Variants in ANO2 observed in about 807,000 individuals in gnomAD.
ANO2 encodes the protein anoctamin-2.
In ANO2, 101 loss-of-function variants were observed where a neutral mutation model predicts 124.2. That is an observed-to-expected ratio of 0.81 (90% CI 0.69 to 0.96). The LOEUF (loss-of-function observed/expected upper bound fraction) is 0.96. ANO2 is among the 40% of genes least tolerant of loss of function. The pLI, the probability that ANO2 is intolerant of heterozygous loss-of-function variation, is 0.00. For synonymous variants in ANO2, 486 were observed against 482.5 expected (o/e 1.01, Z -0.09); for missense variants, 1,293 against 1,274.5 (o/e 1.01, Z -0.22).
At chr12:5,675,584 T>G (rs772290697) in intron 14 of ANO2, among the ~76,000 whole-genome samples, 16 of 152,224 alleles carry the variant, frequency 1.1e-4, no homozygotes, top group Non-Finnish European at 2.1e-4. Flanking sequence ...CATTTTTCGC[T>G]GAGGAGCCAC....
intron 4 of ANO2, among the ~76,000 whole-genome samples, chr12:5,836,087 C>G (rs927296740): frequency 4.6e-5 from 7 of 152,200 alleles, no homozygotes; most frequent in African/African-American, 1.7e-4. Flanking sequence ...CAGGACTATT[C>G]CTTTTCTGTC....
intron 16 of ANO2, among the ~76,000 whole-genome samples, chr12:5,632,189 G>A (rs1362332999): frequency 6.6e-6 from 1 of 152,102 alleles, no homozygotes; most frequent in Non-Finnish European, 1.5e-5. Flanking sequence ...CCCTCTCTGA[G>A]CTCTCTGGAG....
intron 10 of ANO2, among the ~76,000 whole-genome samples, chr12:5,762,283 T>A (rs1951764433): frequency 6.6e-6 from 1 of 151,972 alleles, no homozygotes; most frequent in Non-Finnish European, 1.5e-5. Context: ...ACAAAGGAAC[T>A]AAAATACCTG....
At chr12:5,825,735 C>T (rs1953935643) in intron 7 of ANO2, among the ~76,000 whole-genome samples, 1 of 152,128 alleles carries the variant, frequency 6.6e-6, no homozygotes, top group African/African-American at 2.4e-5. Flanking sequence ...AGTGTACATG[C>T]AATACAGGAG....
intron 10 of ANO2, among the ~76,000 whole-genome samples, chr12:5,768,008 T>G (rs1951949724): frequency 6.6e-6 from 1 of 152,184 alleles, no homozygotes; most frequent in African/African-American, 2.4e-5. Flanking sequence ...AGCTACTATG[T>G]CATGTCTGTG....
At chr12:5,747,091 G>A (rs1951287564) in intron 11 of ANO2, among the ~76,000 whole-genome samples, 3 of 152,204 alleles carry the variant, frequency 2.0e-5, no homozygotes, top group Admixed American at 6.5e-5. Flanking sequence ...ATGTTGTGCC[G>A]TAGTTACATA....
In ANO2 at chr12:5,894,708, T is replaced by C. The variant is rs1388752410; in HGVS notation, c.534+26332A>G. Among the ~76,000 whole-genome samples, 4 of 152,356 alleles carry C rather than the reference T, an allele frequency of 2.6e-5. 1 individual carries two copies. The South Asian group carries it at 8.3e-4, about 32-fold the overall frequency. On this transcript the variant is annotated intron_variant, in intron 3 of 24. Transcript: ENST00000682330. ...GGATCCAGTTTCAGTTTTCTGCATA[T>C]GGCTAGCCAGTTTTCCCAACACCAT...
chr12:5,784,421 C>A (rs902703504), intron 10 of ANO2, among the ~76,000 whole-genome samples: 2 of 152,180 alleles, frequency 1.3e-5, no homozygotes, highest in African/African-American at 4.8e-5. Context: ...CTGGTTCCTG[C>A]CACAGTGTAA....
At chr12:5,652,753 C>T (rs948050730) in intron 14 of ANO2, among the ~76,000 whole-genome samples, 4 of 152,110 alleles carry the variant, frequency 2.6e-5, no homozygotes, top group Admixed American at 1.3e-4. Context: ...CCATTTTCAT[C>T]ACATCATATC....
At position 5,652,860 on chromosome 12, in the gene ANO2, T is replaced by G. The variant is rs140820632; in HGVS notation, c.1546-5059A>C. 5.9e-3 allele frequency among the ~76,000 whole-genome samples: 897 copies of G among 152,298 alleles called. 3 individuals are homozygous for G. The highest frequency in any genetic ancestry group is 0.01 in the Non-Finnish European group (695 of 68,018). ...TCAGATTTTTCTATTGCAAAGTTTC[T>G]TTTTTTCTCCTTTCCATACTTTACT... On this transcript the variant is annotated intron_variant, in intron 14 of 24. Coordinates refer to ENST00000682330, the MANE Select transcript of ANO2 (RefSeq NM_001364791.2).
intron 19 of ANO2, among the ~76,000 whole-genome samples, chr12:5,603,917 C>T (rs547802712): frequency 8.5e-6 from 1 of 117,250 alleles, no homozygotes; most frequent in Admixed American, 1.3e-4. Flanking sequence ...TGCAGTCCGT[C>T]CTGGGTGAAA....
intron 3 of ANO2, among the ~76,000 whole-genome samples, chr12:5,917,570 T>C (rs901783267): frequency 3.3e-4 from 49 of 147,302 alleles, no homozygotes; most frequent in African/African-American, 1.1e-3. Context: ...TTTTTCTTTT[T>C]TTTTTTTTTT....
intron 7 of ANO2, among the ~76,000 whole-genome samples, chr12:5,813,003 A>C (rs199600991): frequency 8.9e-3 from 25 of 2,810 alleles, no homozygotes; most frequent in African/African-American, 0.01. Flanking sequence ...AACAAGCAAG[A>C]AAGAAAGAGA....
At chr12:5,643,798 A>G (rs1301267480) in intron 15 of ANO2, among the ~76,000 whole-genome samples, 3 of 152,148 alleles carry the variant, frequency 2.0e-5, no homozygotes, top group African/African-American at 7.2e-5. Flanking sequence ...GAGATTGGGT[A>G]CCATTTTATA....
In ANO2 at chr12:5,635,021, T is replaced by A; in HGVS notation, c.1816+131A>T. ...AATACACACACGTTGCACTTCCCCA[T>A]TTCTCTAATTAAAATGCACTGTACA... is the stretch of plus-strand genomic sequence containing the variant. On this transcript the variant is annotated intron_variant, in intron 16 of 24. Coordinates refer to ENST00000682330, the MANE Select transcript of ANO2 (RefSeq NM_001364791.2). The surrounding 1 kb of genome is among the most constrained non-coding windows in gnomAD (Gnocchi z 5.2). 5 of 792,580 alleles carry A rather than the reference T, an allele frequency of 6.3e-6. No individual in the cohort carries two copies. The highest frequency in any genetic ancestry group is 9.2e-6 in the Non-Finnish European group (5 of 541,630). The allele number at this position is 792,580 out of a possible 1,614,324, so 49.1% of individuals were successfully genotyped here. A position where few individuals can be genotyped will look rare whatever the true frequency, so the allele number is the denominator to read the frequency against.
At chr12:5,742,853 C>A (rs945564096) in intron 12 of ANO2, among the ~76,000 whole-genome samples, 3 of 152,010 alleles carry the variant, frequency 2.0e-5, no homozygotes, top group African/African-American at 7.2e-5. Flanking sequence ...AGGCAACAAG[C>A]CCCAACTTCA....
chr12:5,797,659 C>T (rs1321526022), intron 10 of ANO2, among the ~76,000 whole-genome samples: 1 of 152,156 alleles, frequency 6.6e-6, no homozygotes, highest in Admixed American at 6.5e-5. Flanking sequence ...ATGACAACCA[C>T]CATCACCATC....
In ANO2 at chr12:5,658,192, C is replaced by T. The variant is rs528426966; in HGVS notation, c.1546-10391G>A. Among the ~76,000 whole-genome samples the T allele has an allele frequency of 2.6e-5, 4 of 152,234 alleles. No homozygotes were observed. Among genetic ancestry groups the T allele is most frequent in the African/African-American group, 4.8e-5 (2 of 41,556 alleles). Reference sequence around the variant, plus strand: ...ATTCCCAGCTTGCACGCTAATTGAACGTGTGACTTCAGGCATGTTACCAAC... The same window carrying T: ...ATTCCCAGCTTGCACGCTAATTGAATGTGTGACTTCAGGCATGTTACCAAC... On this transcript the variant is annotated intron_variant, in intron 14 of 24. Transcript: ENST00000682330. This position sits in a 1 kb window ranked among gnomAD's most constrained non-coding sequence, Gnocchi z 4.3.
chr12:5,865,227 CT>C (rs1955383820), intron 3 of ANO2, among the ~76,000 whole-genome samples: 1 of 152,204 alleles, frequency 6.6e-6, no homozygotes, highest in Non-Finnish European at 1.5e-5. Context: ...TGGGCAACGA[CT>C]GTGTGCTTGG....
Sources: gnomAD v4.1 joint callset for allele counts (sites outside exome capture counted in the v4.1 genomes callset) on GRCh38, gnomAD v4.1.1 for gene constraint, Gnocchi (gnomAD v3.1) non-coding constraint, MANE v1.5 for transcripts, NCBI Gene and HGNC (gene_info 2026-07-23, HGNC 2026-07-21) for gene names.